GTSE1: variants seen among roughly 807,000 people sequenced by gnomAD.
GTSE1 encodes the protein G2 and S phase-expressed protein 1.
Under a neutral mutation model 60.5 loss-of-function variants are expected in GTSE1, and 52 were observed. The ratio of observed to expected loss-of-function variants is 0.86; its 90% CI spans 0.69 to 1.08. The LOEUF (loss-of-function observed/expected upper bound fraction) is 1.08, where lower values mean the gene tolerates loss of function less well. Ranked by LOEUF, GTSE1 falls within the 50% of genes least tolerant of loss-of-function variation. The probability of loss-of-function intolerance (pLI) is 0.00; values close to 1 mark genes in which losing one functional copy is unlikely to be tolerated. For synonymous variants in GTSE1, 368 were observed against 386.5 expected, an observed-to-expected ratio of 0.95 and a Z score of 0.56; for missense variants, 937 against 961.8, an observed-to-expected ratio of 0.97 and a Z score of 0.34.
chr22:46,301,903 C>T (rs1282173119), intron 2 of GTSE1, among the ~76,000 whole-genome samples: 2 of 152,078 alleles, frequency 1.3e-5, no homozygotes, highest in African/African-American at 4.8e-5. Context: ...CCAGGGTGGG[C>T]GGATCACCTG....
In GTSE1 at chr22:46,310,655, G is replaced by T. The variant is rs1045573962; in HGVS notation, c.763-1486G>T. Among the ~76,000 whole-genome samples, 2 of 152,234 alleles carry T rather than the reference G, an allele frequency of 1.3e-5. No homozygotes were observed. Among genetic ancestry groups the T allele is most frequent in the Non-Finnish European group, 2.9e-5 (2 of 68,048 alleles). On this transcript the variant is annotated intron_variant, in intron 4 of 11. Transcript: ENST00000454366. The surrounding 1 kb of genome is among the most constrained non-coding windows in gnomAD (Gnocchi z 4.4). ...GCAATAAAAAGAAACACTACTGGGC[G>T]TGGTAGCTCACACCTGTGATCACAG...
At chr22:46,328,172 C>T (rs1750850563) in intron 9 of GTSE1, among the ~76,000 whole-genome samples, 1 of 152,174 alleles carries the variant, frequency 6.6e-6, no homozygotes, top group African/African-American at 2.4e-5. Context: ...CAGCAGCGCC[C>T]GTGCAGGGTC....
chr22:46,299,512 G>A (rs764230344), intron 2 of GTSE1, among the ~76,000 whole-genome samples: 23 of 152,148 alleles, frequency 1.5e-4, no homozygotes, highest in Non-Finnish European at 1.5e-4. Context: ...TCACCCAGCT[G>A]TGCAAGCTGA....
intron 9 of GTSE1, among the ~76,000 whole-genome samples, chr22:46,327,960 G>A (rs918646212): frequency 1.5e-4 from 23 of 152,208 alleles, no homozygotes; most frequent in Non-Finnish European, 2.9e-4. Context: ...ATAGGAATAT[G>A]TGTTTAACTA....
At chr22:46,301,728 A>C (rs2077690446) in intron 2 of GTSE1, among the ~76,000 whole-genome samples, 1 of 151,846 alleles carries the variant, frequency 6.6e-6, no homozygotes, top group Non-Finnish European at 1.5e-5. Flanking sequence ...ACCTCAGGTG[A>C]TCCACCCGCC....
At position 46,323,192 on chromosome 22, in the gene GTSE1, G is replaced by T; in HGVS notation, c.1435G>T (p.Asp479Tyr). Residue 479 changes from aspartate (D) to tyrosine (Y), a missense_variant and splice_region_variant, in exon 8 of 12, where the codon GAC becomes TAC. Coordinates refer to ENST00000454366, the MANE Select transcript of GTSE1 (RefSeq NM_016426.7). The part of the protein sequence containing the change: ...QFKIPKFSIG[D>Y]SPDSSTPKLS... Reference sequence around the variant, plus strand: ...CACACTTCCTTTCTTGGACTTAGGTGACTCCCCGGACAGCTCAACACCAAA... The same window carrying T: ...CACACTTCCTTTCTTGGACTTAGGTTACTCCCCGGACAGCTCAACACCAAA... 1 of 1,612,226 alleles carries T rather than the reference G, an allele frequency of 6.2e-7. No homozygotes were observed. The highest frequency in any genetic ancestry group is 1.1e-5 in the South Asian group (1 of 91,034).
chr22:46,315,904 G>T, intron 6 of GTSE1, 128 bp from the exon 7 acceptor site: 1 of 736,098 alleles, frequency 1.4e-6, no homozygotes, highest in South Asian at 2.5e-5. Context: ...TGCCTGAAGG[G>T]CTTATAGAAT....
intron 2 of GTSE1, among the ~76,000 whole-genome samples, chr22:46,306,624 G>A (rs2077716976): frequency 1.3e-5 from 2 of 152,046 alleles, no homozygotes. Flanking sequence ...GGGATTACAG[G>A]TGCACACCAC....
At chr22:46,325,996 C>T (rs1023258746) in intron 8 of GTSE1, among the ~76,000 whole-genome samples, 8 of 152,230 alleles carry the variant, frequency 5.3e-5, no homozygotes, top group Non-Finnish European at 8.8e-5. Context: ...TATGAGTGGG[C>T]GTGCAGGGAG....
chr22:46,304,912 G>A lies in GTSE1; in HGVS notation c.80-3238G>A, dbSNP rs1189928703. 6.6e-6 allele frequency among the ~76,000 whole-genome samples: 1 copy of A among 152,208 alleles called. No individual in the cohort carries two copies. The highest frequency in any genetic ancestry group is 2.1e-4 in the South Asian group (1 of 4,828). ...GAGGATCCCTCGAGTCCAGGAGTTC[G>A]AGGCTGCAGTGAGCTATGATTGTAC... On this transcript the variant is annotated intron_variant, in intron 2 of 11. Coordinates refer to ENST00000454366, the MANE Select transcript of GTSE1 (RefSeq NM_016426.7). The surrounding 1 kb of genome is among the most constrained non-coding windows in gnomAD (Gnocchi z 4.4).
rs6008668 is a variant in GTSE1 at position 46,319,016 on chromosome 22, G to T, written c.1432+2604G>T. ...TGTGACTCCGTTTGTGTCCCATTGA[G>T]TACGACGCTTCCCTGCACAGGATGC... On this transcript the variant is annotated intron_variant, in intron 7 of 11. Coordinates refer to ENST00000454366, the MANE Select transcript of GTSE1 (RefSeq NM_016426.7). This position sits in a 1 kb window ranked among gnomAD's most constrained non-coding sequence, Gnocchi z 5.0. Among the ~76,000 whole-genome samples the T allele has an allele frequency of 0.11, 16,259 of 152,214 alleles. 2,053 individuals are homozygous for T. Among genetic ancestry groups the T allele is most frequent in the African/African-American group, 0.31 (12,733 of 41,480 alleles).
In GTSE1 at chr22:46,317,608, T is replaced by C. The variant is rs189622950; in HGVS notation, c.1432+1196T>C. Among the ~76,000 whole-genome samples, 22 of 152,346 alleles carry C rather than the reference T, an allele frequency of 1.4e-4. No homozygotes were observed. In the East Asian group the frequency reaches 3.5e-3, roughly 24 times the overall value. On this transcript the variant is annotated intron_variant, in intron 7 of 11. Transcript: ENST00000454366. The surrounding 1 kb of genome is among the most constrained non-coding windows in gnomAD (Gnocchi z 5.6). ...ATATTGTCAGGTGTACACTTTTGAA[T>C]GTCTGGATTTTGTTGTCTTTCTCTG...
chr22:46,317,257 G>A lies in GTSE1; in HGVS notation c.1432+845G>A, dbSNP rs138638943. 5.9e-5 allele frequency among the ~76,000 whole-genome samples: 9 copies of A among 152,288 alleles called. No individual in the cohort carries two copies. Among genetic ancestry groups the A allele is most frequent in the Non-Finnish European group, 8.8e-5 (6 of 68,030 alleles). The stretch of plus-strand genomic sequence containing the variant: ...GCTGGGATTATAGGTGTGAGCCACC[G>A]TGCCCGGCCCAGCCTTTTTCCTTGA... On this transcript the variant is annotated intron_variant, in intron 7 of 11. Coordinates refer to ENST00000454366, the MANE Select transcript of GTSE1 (RefSeq NM_016426.7). The surrounding 1 kb of genome is among the most constrained non-coding windows in gnomAD (Gnocchi z 5.6).
At position 46,314,084 on chromosome 22, in the gene GTSE1, G is replaced by T. The variant is rs1039262217; in HGVS notation, c.1051+71G>T. 1 of 1,579,728 alleles carries T rather than the reference G, an allele frequency of 6.3e-7. No individual in the cohort carries two copies. Among genetic ancestry groups the T allele is most frequent in the Admixed American group, 1.7e-5 (1 of 59,460 alleles). The stretch of plus-strand genomic sequence containing the variant: ...GGCCTGGAGTGCTGCTCAGGCCTTG[G>T]AGACTGTTTCTGCAGAACCACTTAG... On this transcript the variant is annotated intron_variant, in intron 6 of 11. Coordinates refer to ENST00000454366, the MANE Select transcript of GTSE1 (RefSeq NM_016426.7). This position sits in a 1 kb window ranked among gnomAD's most constrained non-coding sequence, Gnocchi z 7.1.
At position 46,309,059 on chromosome 22, in the gene GTSE1, A is replaced by C; in HGVS notation, c.762+116A>C. 8.7e-7 allele frequency: 1 copy of C among 1,153,050 alleles called. No individual in the cohort carries two copies. The highest frequency in any genetic ancestry group is 1.2e-6 in the Non-Finnish European group (1 of 824,738). 71.4% of individuals were successfully genotyped at this position (1,153,050 alleles called of 1,614,324 possible). A position where few individuals can be genotyped will look rare whatever the true frequency, so the allele number is the denominator to read the frequency against. Reference sequence around the variant, plus strand: ...GTGGCGAGTCTCTGAGGCCTACAAAACACAGGAATGCGGAGTCCAGGAAAA... The same window carrying C: ...GTGGCGAGTCTCTGAGGCCTACAAACCACAGGAATGCGGAGTCCAGGAAAA... On this transcript the variant is annotated intron_variant, in intron 4 of 11. Transcript: ENST00000454366. The surrounding 1 kb of genome is among the most constrained non-coding windows in gnomAD (Gnocchi z 6.2).
In GTSE1 at chr22:46,314,126, C is replaced by T. The variant is rs540797029; in HGVS notation, c.1051+113C>T. On this transcript the variant is annotated intron_variant, in intron 6 of 11. Coordinates refer to ENST00000454366, the MANE Select transcript of GTSE1 (RefSeq NM_016426.7). The surrounding 1 kb of genome is among the most constrained non-coding windows in gnomAD (Gnocchi z 7.1). ...ACCACTTAGGCTTGGCAGGACGTCCCGGAGGGCGTGCTGTGTGCGGTGGAC... is the reference window on the plus strand; with the variant it reads ...ACCACTTAGGCTTGGCAGGACGTCCTGGAGGGCGTGCTGTGTGCGGTGGAC... 9.0e-6 allele frequency: 12 copies of T among 1,338,180 alleles called. No individual in the cohort carries two copies. The highest frequency in any genetic ancestry group is 6.2e-5 in the South Asian group (5 of 80,346). The allele number at this position is 1,338,180 out of a possible 1,614,324, so 82.9% of individuals were successfully genotyped here. A position where few individuals can be genotyped will look rare whatever the true frequency, so the allele number is the denominator to read the frequency against.
chr22:46,301,200 G>A (rs561340485), intron 2 of GTSE1, among the ~76,000 whole-genome samples: 1 of 152,346 alleles, frequency 6.6e-6, no homozygotes, highest in South Asian at 2.1e-4. Context: ...TGATGCTGCA[G>A]TAAATAACTG....
At position 46,324,430 on chromosome 22, in the gene GTSE1, C is replaced by T. The variant is rs1295754002; in HGVS notation, c.1505+1168C>T. 1.3e-5 allele frequency among the ~76,000 whole-genome samples: 2 copies of T among 152,182 alleles called. No individual in the cohort carries two copies. Among genetic ancestry groups the T allele is most frequent in the African/African-American group, 2.4e-5 (1 of 41,504 alleles). ...TCACCCAGGCTGGAGGGCAGTGGCACGATCTCAGCTCATGGTAAGCTCCGC... is the reference window on the plus strand; with the variant it reads ...TCACCCAGGCTGGAGGGCAGTGGCATGATCTCAGCTCATGGTAAGCTCCGC... On this transcript the variant is annotated intron_variant, in intron 8 of 11. Coordinates refer to ENST00000454366, the MANE Select transcript of GTSE1 (RefSeq NM_016426.7). This position sits in a 1 kb window ranked among gnomAD's most constrained non-coding sequence, Gnocchi z 5.2.
rs1221045471 is a variant in GTSE1, at chr22:46,297,663, C to T, written c.79+184C>T. 1.3e-5 allele frequency among the ~76,000 whole-genome samples: 2 copies of T among 152,256 alleles called. No individual in the cohort carries two copies. Among genetic ancestry groups the T allele is most frequent in the Non-Finnish European group, 2.9e-5 (2 of 68,044 alleles). On this transcript the variant is annotated intron_variant, in intron 2 of 11. Transcript: ENST00000454366. The surrounding 1 kb of genome is among the most constrained non-coding windows in gnomAD (Gnocchi z 4.9). ...ACCTCCTCCCCATTTTAAGTTTCATCACAGCCAGGATTCTCATCCGTTTTA... is the reference window on the plus strand; with the variant it reads ...ACCTCCTCCCCATTTTAAGTTTCATTACAGCCAGGATTCTCATCCGTTTTA...
Sources: gnomAD v4.1 joint callset for allele counts (sites outside exome capture counted in the v4.1 genomes callset) on GRCh38, gnomAD v4.1.1 for gene constraint, Gnocchi (gnomAD v3.1) non-coding constraint, MANE v1.5 for transcripts, NCBI Gene and HGNC (gene_info 2026-07-23, HGNC 2026-07-21) for gene names.